Variants in CMIP observed in about 807,000 individuals in gnomAD.
CMIP encodes C-Maf-inducing protein.
A neutral mutation model predicts 97.3 loss-of-function variants in CMIP; 13 were observed. The observed-to-expected ratio is 0.13, with a 90% CI of 0.09 to 0.21. CMIP has a LOEUF of 0.21. Among genes scored for constraint, CMIP ranks in the 10% least tolerant of loss-of-function variants. The probability of loss-of-function intolerance (pLI) is 1.00; values close to 1 mark genes in which losing one functional copy is unlikely to be tolerated. For synonymous variants in CMIP, 538 were observed against 436.3 expected (o/e 1.23, Z -2.91); for missense variants, 847 against 1,024.9 (o/e 0.83, Z 2.37).
intron 1 of CMIP, among the ~76,000 whole-genome samples, chr16:81,547,609 C>T (rs1191615022): frequency 3.4e-5 from 5 of 148,674 alleles, no homozygotes; most frequent in East Asian, 3.9e-4. Flanking sequence ...GGGTGGGAAG[C>T]GGGGGAGGAG....
intron 1 of CMIP, among the ~76,000 whole-genome samples, chr16:81,589,985 G>C (rs1162176924): frequency 6.6e-6 from 1 of 152,222 alleles, no homozygotes; most frequent in Non-Finnish European, 1.5e-5. Context: ...GATTGATGGG[G>C]CAGGGGGTGA....
At chr16:81,560,293 G>A (rs13333908) in intron 1 of CMIP, among the ~76,000 whole-genome samples, 43,800 of 150,118 alleles carry the variant, frequency 0.29, 6,761 homozygotes, top group African/African-American at 0.38. Flanking sequence ...ATCTCGGCTC[G>A]CTGCAAGCTC....
chr16:81,668,376 C>G lies in CMIP; in HGVS notation c.826-1766C>G, dbSNP rs1171308090. Among the ~76,000 whole-genome samples the G allele has an allele frequency of 1.2e-4, 19 of 152,142 alleles. 1 individual carries two copies. Among genetic ancestry groups the G allele is most frequent in the Admixed American group, 1.2e-3 (19 of 15,284 alleles). On this transcript the variant is annotated intron_variant, in intron 7 of 20. Coordinates refer to ENST00000537098, the MANE Select transcript of CMIP (RefSeq NM_198390.3). ...GCGGCCAGATTCACAGGCCCCTGTC[C>G]GGCCCGTGCCTCTCTCCTGCACCTC...
At chr16:81,572,670 T>C (rs2091114230) in intron 1 of CMIP, among the ~76,000 whole-genome samples, 2 of 152,120 alleles carry the variant, frequency 1.3e-5, no homozygotes, top group Admixed American at 1.3e-4. Context: ...CAAATCCCGT[T>C]GAGTCTTACT....
intron 7 of CMIP, chr16:81,666,294 G>C (rs546051241): frequency 3.3e-4 from 51 of 152,302 alleles, no homozygotes; most frequent in African/African-American, 1.2e-3. Flanking sequence ...CAATGGCAGA[G>C]CCACACCCCC....
intron 1 of CMIP, among the ~76,000 whole-genome samples, chr16:81,484,510 A>G (rs2089284920): frequency 6.6e-6 from 1 of 151,678 alleles, no homozygotes; most frequent in Non-Finnish European, 1.5e-5. Context: ...TGCAAAACCA[A>G]CCTCCCCGCC....
intron 1 of CMIP, among the ~76,000 whole-genome samples, chr16:81,455,160 C>T (rs1012196440): frequency 6.6e-6 from 1 of 152,152 alleles, no homozygotes; most frequent in Non-Finnish European, 1.5e-5. Context: ...CAGCCGGGAG[C>T]CCGGGATGTC....
Position 81,607,617 on chromosome 16 carries a change from T to A in CMIP, c.351T>A (p.Val117=), listed in dbSNP as rs370513085. 5.3e-5 allele frequency: 85 copies of A among 1,613,946 alleles called. No homozygotes were observed. The highest frequency in any genetic ancestry group is 7.1e-5 in the Non-Finnish European group (84 of 1,179,906). ...NSVSYSAIED[V]QLLSWENAPK... Reference sequence around the variant, plus strand: ...TCTCCTACAGCGCAATTGAAGACGTTCAGCTGCTGTCCTGGGAGAATGCCC... The same window carrying A: ...TCTCCTACAGCGCAATTGAAGACGTACAGCTGCTGTCCTGGGAGAATGCCC... The change falls in exon 2 of 21, where the codon GTT becomes GTA. Residue 117 remains valine, a synonymous_variant. Coordinates refer to ENST00000537098, the MANE Select transcript of CMIP (RefSeq NM_198390.3).
At chr16:81,705,440 C>A in intron 18 of CMIP, 59 bp from the exon 19 acceptor site, 2 of 1,259,870 alleles carry the variant, frequency 1.6e-6, no homozygotes, top group South Asian at 1.3e-5. Flanking sequence ...CTGCCCCAGC[C>A]TCAGAGTCAC....
chr16:81,575,405 T>A lies in CMIP; in HGVS notation c.301-32162T>A, dbSNP rs115360029. ...TACAAAGCTGTCACTGGCCCTCCTT[T>A]TCTAGCAGGCTCAGAGCAGGGGTGA... On this transcript the variant is annotated intron_variant, in intron 1 of 20. Coordinates refer to ENST00000537098, the MANE Select transcript of CMIP (RefSeq NM_198390.3). Among the ~76,000 whole-genome samples, 922 of 152,276 alleles carry A rather than the reference T, an allele frequency of 6.1e-3. 11 individuals carry two copies. Among genetic ancestry groups the A allele is most frequent in the African/African-American group, 0.021 (871 of 41,560 alleles).
Position 81,699,697 on chromosome 16 carries a change from A to C in CMIP, c.1651A>C (p.Met551Leu). 1.9e-6 allele frequency: 3 copies of C among 1,612,350 alleles called. No homozygotes were observed. The highest frequency in any genetic ancestry group is 2.5e-6 in the Non-Finnish European group (3 of 1,178,692). ...TCTTGCCTCACAGGTGCACATCCTC[A>C]TGGGCTCCTGTTACAAGACCAAAAA... The part of the protein sequence containing the change: ...ELFASMVHIL[M>L]GSCYKTKKFL... The change falls in exon 15 of 21, where the codon ATG (methionine) becomes CTG (leucine). Residue 551 changes from methionine to leucine, a missense_variant. Met to Leu is a conservative substitution (Grantham distance 15). Coordinates refer to ENST00000537098, the MANE Select transcript of CMIP (RefSeq NM_198390.3).
rs958653148 is a variant in CMIP, at chr16:81,655,830, G to A, written c.640-1945G>A. Among the ~76,000 whole-genome samples, 2 of 152,102 alleles carry A rather than the reference G, an allele frequency of 1.3e-5. No individual in the cohort carries two copies. The highest frequency in any genetic ancestry group is 1.9e-4 in the East Asian group (1 of 5,192). Reference sequence around the variant, plus strand: ...CTGCGCCTGCTAGTCACTGCATCCCGTCAGTCTTAGGCAGCTGATCAGTCA... The same window carrying A: ...CTGCGCCTGCTAGTCACTGCATCCCATCAGTCTTAGGCAGCTGATCAGTCA... On this transcript the variant is annotated intron_variant, in intron 4 of 20. Coordinates refer to ENST00000537098, the MANE Select transcript of CMIP (RefSeq NM_198390.3). This position sits in a 1 kb window ranked among gnomAD's most constrained non-coding sequence, Gnocchi z 4.9.
chr16:81,626,118 C>A (rs1049140319), intron 3 of CMIP, among the ~76,000 whole-genome samples: 2 of 152,236 alleles, frequency 1.3e-5, no homozygotes, highest in Non-Finnish European at 2.9e-5. Flanking sequence ...GGCCACAGCC[C>A]CTCGATCACC....
chr16:81,629,155 AAAAAAAAAAAAG>A (rs2092118288), intron 3 of CMIP, among the ~76,000 whole-genome samples: 1 of 148,546 alleles, frequency 6.7e-6, no homozygotes, highest in Admixed American at 6.7e-5. Context: ...AAAAAAAAAA[AAAAAAAAAAAAG>A]ATAATGTGAA....
chr16:81,481,797 G>T (rs937830893), intron 1 of CMIP, among the ~76,000 whole-genome samples: 1 of 151,928 alleles, frequency 6.6e-6, no homozygotes, highest in African/African-American at 2.4e-5. Flanking sequence ...GAGGCTGCTC[G>T]CATTCCTTCC....
rs2092090185 is a variant in CMIP, at chr16:81,627,536, C to T, written c.477+6610C>T. 6.7e-6 allele frequency among the ~76,000 whole-genome samples: 1 copy of T among 150,072 alleles called. No individual in the cohort carries two copies. The highest frequency in any genetic ancestry group is 6.6e-5 in the Admixed American group (1 of 15,172). Reference sequence around the variant, plus strand: ...AGCCTCCACAGGTGGTCCCGGCTGACTCATGGCCTGGGAGGGCTAGGGTGG... The same window carrying T: ...AGCCTCCACAGGTGGTCCCGGCTGATTCATGGCCTGGGAGGGCTAGGGTGG... On this transcript the variant is annotated intron_variant, in intron 3 of 20. Transcript: ENST00000537098. The surrounding 1 kb of genome is among the most constrained non-coding windows in gnomAD (Gnocchi z 4.6).
chr16:81,594,764 T>C (rs9888742), intron 1 of CMIP, among the ~76,000 whole-genome samples: 26,245 of 148,792 alleles, frequency 0.18, 3,250 homozygotes, highest in East Asian at 0.43. Context: ...CAGGCGCCTG[T>C]CACCACGCCC....
At chr16:81,487,313 G>A (rs988043753) in intron 1 of CMIP, among the ~76,000 whole-genome samples, 2 of 152,286 alleles carry the variant, frequency 1.3e-5, no homozygotes, top group Non-Finnish European at 2.9e-5. Context: ...CGGTCACGGC[G>A]AGCTGGCACC....
At chr16:81,649,847 C>G (rs1159429061) in intron 3 of CMIP, among the ~76,000 whole-genome samples, 1 of 152,146 alleles carries the variant, frequency 6.6e-6, no homozygotes, top group Non-Finnish European at 1.5e-5. Flanking sequence ...AAAAATTAAA[C>G]AATTCTCTGG....
Sources: allele counts gnomAD v4.1 joint callset (sites outside exome capture counted in the v4.1 genomes callset), GRCh38; gene constraint gnomAD v4.1.1; non-coding constraint Gnocchi (gnomAD v3.1); transcripts MANE v1.5; gene names NCBI Gene and HGNC (gene_info 2026-07-23, HGNC 2026-07-21).